CASZ1: variants seen among roughly 807,000 people sequenced by gnomAD.
CASZ1 encodes castor zinc finger 1.
A neutral mutation model predicts 135.2 loss-of-function variants in CASZ1; 28 were observed. The observed-to-expected ratio is 0.21, with a 90% CI of 0.15 to 0.28. The LOEUF is 0.28. Among genes scored for constraint, CASZ1 ranks in the 10% least tolerant of loss-of-function variants. CASZ1 has a pLI of 1.00. For synonymous variants in CASZ1, 1,068 were observed against 1,073.4 expected (o/e 0.99, Z 0.10); for missense variants, 2,161 against 2,453.3 (o/e 0.88, Z 2.52).
At chr1:10,731,658 C>T (rs551414271) in intron 2 of CASZ1, among the ~76,000 whole-genome samples, 1 of 152,242 alleles carries the variant, frequency 6.6e-6, no homozygotes, top group African/African-American at 2.4e-5. Context: ...TGAAACAGTA[C>T]ACAAAGTTCA....
chr1:10,723,604 G>A (rs1337453571), intron 2 of CASZ1, among the ~76,000 whole-genome samples: 2 of 152,196 alleles, frequency 1.3e-5, no homozygotes, highest in African/African-American at 2.4e-5. Flanking sequence ...CTGGCACTGG[G>A]CAATGGGGTC....
chr1:10,722,224 T>A (rs996468597), intron 2 of CASZ1, among the ~76,000 whole-genome samples: 2 of 152,114 alleles, frequency 1.3e-5, no homozygotes, highest in African/African-American at 4.8e-5. Context: ...CCCCATGGCT[T>A]TAGGGAGAAC....
intron 9 of CASZ1, among the ~76,000 whole-genome samples, 174 bp from the exon 10 acceptor site, chr1:10,654,765 T>C (rs998700974): frequency 6.6e-6 from 1 of 152,162 alleles, no homozygotes; most frequent in African/African-American, 2.4e-5. Flanking sequence ...GTAGAAAGCC[T>C]CCAACAGCCC....
chr1:10,678,644 A>G (rs1211037324), intron 4 of CASZ1, among the ~76,000 whole-genome samples: 1 of 151,912 alleles, frequency 6.6e-6, no homozygotes, highest in African/African-American at 2.4e-5. Context: ...ACAATTTCTG[A>G]CCATATTTCC....
chr1:10,649,913 G>A (rs1302628266), intron 13 of CASZ1: 1 of 153,412 alleles, frequency 6.5e-6, no homozygotes, highest in African/African-American at 2.4e-5. Flanking sequence ...GACCCAGACA[G>A]GCTTGCTGCA....
intron 1 of CASZ1, among the ~76,000 whole-genome samples, chr1:10,782,153 G>A (rs1640774166): frequency 6.6e-6 from 1 of 152,240 alleles, no homozygotes; most frequent in Non-Finnish European, 1.5e-5. Flanking sequence ...GAGTTGCTAT[G>A]TCACAAATGA....
chr1:10,661,501 C>T (rs1163599905), intron 5 of CASZ1: 1 of 150,636 alleles, frequency 6.6e-6, no homozygotes, highest in Admixed American at 6.6e-5. Flanking sequence ...CACACAATCA[C>T]ATACAACACA....
intron 5 of CASZ1, among the ~76,000 whole-genome samples, chr1:10,663,130 G>A (rs76798015): frequency 0.011 from 1,731 of 152,320 alleles, 34 homozygotes; most frequent in African/African-American, 0.037. Flanking sequence ...GGGCACACTT[G>A]GGGCGGCAGG....
chr1:10,717,067 G>A lies in CASZ1; in HGVS notation c.-76-11523C>T, dbSNP rs1365998859. Among the ~76,000 whole-genome samples, 1 of 152,218 alleles carries A rather than the reference G, an allele frequency of 6.6e-6. No homozygotes were observed. Reference sequence around the variant, plus strand: ...CCCCTAGAGAGACTCAGATGGGCTGGGCTGCTGGAGGGACAGGAGCAGGAG... The same window carrying A: ...CCCCTAGAGAGACTCAGATGGGCTGAGCTGCTGGAGGGACAGGAGCAGGAG... On this transcript the variant is annotated intron_variant, in intron 2 of 20. Coordinates refer to ENST00000377022, the MANE Select transcript of CASZ1 (RefSeq NM_001079843.3). The surrounding 1 kb of genome is among the most constrained non-coding windows in gnomAD (Gnocchi z 4.6).
Position 10,776,993 on chromosome 1 carries a change from C to G in CASZ1, c.-233-16136G>C, listed in dbSNP as rs183229347. 1.3e-5 allele frequency among the ~76,000 whole-genome samples: 2 copies of G among 152,322 alleles called. No individual in the cohort carries two copies. Among genetic ancestry groups the G allele is most frequent in the East Asian group, 1.9e-4 (1 of 5,182 alleles). ...AGGAAGCATCATTCCATGTCTGGAA[C>G]CGGCCAGCCTCACCCTGAGCCAGTG... On this transcript the variant is annotated intron_variant, in intron 1 of 20. Coordinates refer to ENST00000377022, the MANE Select transcript of CASZ1 (RefSeq NM_001079843.3). This position sits in a 1 kb window ranked among gnomAD's most constrained non-coding sequence, Gnocchi z 4.1.
rs1364293074 is a variant in CASZ1 at position 10,647,510 on chromosome 1, CA to C, written c.3497+290del. 9.8e-6 allele frequency: 13 copies of C among 1,322,156 alleles called. No homozygotes were observed. The highest frequency in any genetic ancestry group is 1.3e-5 in the Non-Finnish European group (13 of 1,029,240). 81.9% of individuals were successfully genotyped at this position (1,322,156 alleles called of 1,614,324 possible). ...CTGGGAGTTGTCCTCTGAGGACCAC[CA>C]CGCCCAGTCCACCCCACCTGGCCCT... On this transcript the variant is annotated intron_variant, in intron 16 of 20. Coordinates refer to ENST00000377022, the MANE Select transcript of CASZ1 (RefSeq NM_001079843.3). The surrounding 1 kb of genome is among the most constrained non-coding windows in gnomAD (Gnocchi z 4.9).
Position 10,777,030 on chromosome 1 carries a change from C to T in CASZ1, c.-233-16173G>A, listed in dbSNP as rs1031474053. Among the ~76,000 whole-genome samples, 2 of 152,156 alleles carry T rather than the reference C, an allele frequency of 1.3e-5. No homozygotes were observed. The highest frequency in any genetic ancestry group is 2.9e-5 in the Non-Finnish European group (2 of 68,040). ...ACCCTGAGCCAGTGGGGAAGATGACCGTGTTTCCAAATGGCTCAAATACTG... is the reference window on the plus strand; with the variant it reads ...ACCCTGAGCCAGTGGGGAAGATGACTGTGTTTCCAAATGGCTCAAATACTG... On this transcript the variant is annotated intron_variant, in intron 1 of 20. Coordinates refer to ENST00000377022, the MANE Select transcript of CASZ1 (RefSeq NM_001079843.3). This position sits in a 1 kb window ranked among gnomAD's most constrained non-coding sequence, Gnocchi z 4.4.
chr1:10,653,167 GC>G (rs1557469124), intron 11 of CASZ1: 6 of 637,302 alleles, frequency 9.4e-6, no homozygotes, highest in Middle Eastern at 2.5e-4. Context: ...CAGAAGCATG[GC>G]CCCCCTACTG....
chr1:10,795,480 C>T (rs964236347), intron 1 of CASZ1, among the ~76,000 whole-genome samples: 1 of 152,164 alleles, frequency 6.6e-6, no homozygotes, highest in Non-Finnish European at 1.5e-5. Context: ...CCCTCTCCCA[C>T]GCTGCAGAGC....
rs1640675418 is a variant in CASZ1 at position 10,777,091 on chromosome 1, G to A, written c.-233-16234C>T. ...CCAGATCTGTCACTGACTAGCTGTA[G>A]GGCCTGCGGCACGAAGCAACCTCCC... On this transcript the variant is annotated intron_variant, in intron 1 of 20. Coordinates refer to ENST00000377022, the MANE Select transcript of CASZ1 (RefSeq NM_001079843.3). The surrounding 1 kb of genome is among the most constrained non-coding windows in gnomAD (Gnocchi z 4.4). 6.6e-6 allele frequency among the ~76,000 whole-genome samples: 1 copy of A among 152,188 alleles called. No individual in the cohort carries two copies. Among genetic ancestry groups the A allele is most frequent in the African/African-American group, 2.4e-5 (1 of 41,434 alleles).
chr1:10,739,154 T>C lies in CASZ1; in HGVS notation c.-77+21547A>G, dbSNP rs1046644171. 2.6e-5 allele frequency among the ~76,000 whole-genome samples: 4 copies of C among 152,074 alleles called. No homozygotes were observed. The highest frequency in any genetic ancestry group is 2.0e-4 in the Admixed American group (3 of 15,280). ...ACGAGAAACAAGTCACCCAGGCATC[T>C]TGTGGAGGGTGGCTGCTCTTTTCAG... On this transcript the variant is annotated intron_variant, in intron 2 of 20. Transcript: ENST00000377022. This position sits in a 1 kb window ranked among gnomAD's most constrained non-coding sequence, Gnocchi z 4.8.
Position 10,654,041 on chromosome 1 carries a change from G to A in CASZ1, c.2016C>T (p.Arg672=), listed in dbSNP as rs1178755086. ...SKATNHFHCI[R]AGCGFTFTST... ...AGGTGAAGGTGAAGCCGCAGCCGGCGCGGATGCAGTGGAAGTGGTTGGTAG... is the reference window on the plus strand; with the variant it reads ...AGGTGAAGGTGAAGCCGCAGCCGGCACGGATGCAGTGGAAGTGGTTGGTAG... The change falls in exon 11 of 21, where the codon CGC becomes CGT. Residue 672 remains arginine (R), a synonymous_variant. Transcript: ENST00000377022. 4 of 1,614,220 alleles carry A rather than the reference G, an allele frequency of 2.5e-6. No individual in the cohort carries two copies. The highest frequency in any genetic ancestry group is 1.1e-5 in the South Asian group (1 of 91,088).
In CASZ1 at chr1:10,653,421, C is replaced by T. The variant is rs756287026; in HGVS notation, c.2636G>A (p.Arg879Lys). ...SKGLISPMMARLAAAALKPSA... is the reference protein window; with the variant it reads ...SKGLISPMMAKLAAAALKPSA... Reference sequence around the variant, plus strand: ...GGGCTTGAGGGCAGCTGCAGCCAGCCTGGCCATCATGGGCGAGATGAGGCC... The same window carrying T: ...GGGCTTGAGGGCAGCTGCAGCCAGCTTGGCCATCATGGGCGAGATGAGGCC... The change falls in exon 11 of 21, where the codon AGG becomes AAG. Residue 879 changes from arginine to lysine, a missense_variant. Arg to Lys is a conservative substitution (Grantham distance 26). Around this residue, in one of 7 missense-constraint regions of CASZ1, gnomAD observed 406 missense variants for 387.6 expected, o/e 1.05. Coordinates refer to ENST00000377022, the MANE Select transcript of CASZ1 (RefSeq NM_001079843.3). 3.1e-6 allele frequency: 5 copies of T among 1,613,368 alleles called. No homozygotes were observed. The Admixed American group carries it at 5.0e-5, about 16-fold the overall frequency.
chr1:10,740,880 C>T (rs1414522106), intron 2 of CASZ1, among the ~76,000 whole-genome samples: 2 of 140,456 alleles, frequency 1.4e-5, no homozygotes, highest in Non-Finnish European at 3.0e-5. Context: ...ATTACTTGAG[C>T]CCAGGAGGTG....
Sources: gnomAD v4.1 joint callset for allele counts (sites outside exome capture counted in the v4.1 genomes callset) on GRCh38, gnomAD v4.1.1 for gene constraint, gnomAD v4.1.1 regional missense constraint, Gnocchi (gnomAD v3.1) non-coding constraint, MANE v1.5 for transcripts, NCBI Gene and HGNC (gene_info 2026-07-23, HGNC 2026-07-21) for gene names.